LRRTM4: variants seen among roughly 807,000 people sequenced by gnomAD.
LRRTM4 encodes leucine-rich repeat transmembrane neuronal protein 4.
A neutral mutation model predicts 47.6 loss-of-function variants in LRRTM4; 25 were observed. That is an observed-to-expected ratio of 0.53 (90% confidence interval 0.38 to 0.73). LRRTM4 has a LOEUF of 0.73. Among genes scored for constraint, LRRTM4 ranks in the 30% least tolerant of loss-of-function variants. The pLI is 0.00. For synonymous variants in LRRTM4, 311 were observed against 269.5 expected, an observed-to-expected ratio of 1.15 and a Z score of -1.51; for missense variants, 638 against 713.4, an observed-to-expected ratio of 0.89 and a Z score of 1.20.
intron 3 of LRRTM4, among the ~76,000 whole-genome samples, chr2:77,122,395 G>T (rs1056142066): frequency 1.3e-5 from 2 of 150,804 alleles, no homozygotes; most frequent in African/African-American, 4.9e-5. Flanking sequence ...CCTACATGTT[G>T]CAGAATTCAC....
chr2:77,449,670 C>A (rs532519580), intron 3 of LRRTM4, among the ~76,000 whole-genome samples: 5 of 152,306 alleles, frequency 3.3e-5, no homozygotes, highest in African/African-American at 1.2e-4. Context: ...ACGGAATACA[C>A]TGCTGAAAAA....
Position 77,519,037 on chromosome 2 carries a change from T to TG in LRRTM4, c.831dup (p.Asn278GlnfsTer50). On this transcript the variant is annotated frameshift_variant, in exon 3 of 4. Transcript: ENST00000409884. LOFTEE classifies it high-confidence loss of function. The surrounding 1 kb of genome is among the most constrained non-coding windows in gnomAD (Gnocchi z 4.6). ...GAATCCAAATTCAATTTTTGTAAAT[T>TG]GGGGAGGCATTTAAATGTGCCCGGC... The TG allele has an allele frequency of 6.2e-7, 1 of 1,612,188 alleles. No individual in the cohort carries two copies. The highest frequency in any genetic ancestry group is 8.5e-7 in the Non-Finnish European group (1 of 1,179,046).
chr2:77,468,600 A>G (rs1677070532), intron 3 of LRRTM4, among the ~76,000 whole-genome samples: 1 of 152,202 alleles, frequency 6.6e-6, no homozygotes. Context: ...GTCCCCATGC[A>G]GCACGGTGAA....
At chr2:76,906,453 A>G (rs1317337458) in intron 3 of LRRTM4, among the ~76,000 whole-genome samples, 2 of 152,114 alleles carry the variant, frequency 1.3e-5, no homozygotes, top group Non-Finnish European at 2.9e-5. Context: ...GAGCAAAATA[A>G]CCAGCTAACA....
chr2:77,465,826 T>G (rs538260329), intron 3 of LRRTM4, among the ~76,000 whole-genome samples: 1 of 152,304 alleles, frequency 6.6e-6, no homozygotes, highest in African/African-American at 2.4e-5. Context: ...TGAGCAACAT[T>G]TATTTGGTTT....
intron 3 of LRRTM4, among the ~76,000 whole-genome samples, chr2:77,416,954 G>T (rs1401283116): frequency 6.6e-6 from 1 of 151,958 alleles, no homozygotes; most frequent in East Asian, 1.9e-4. Flanking sequence ...GAGAGAACAG[G>T]CAAGCTACAG....
intron 3 of LRRTM4, among the ~76,000 whole-genome samples, chr2:77,088,708 C>G (rs1471170854): frequency 6.6e-6 from 1 of 152,126 alleles, no homozygotes; most frequent in East Asian, 1.9e-4. Context: ...AGGGGACTTC[C>G]CCTAGGAGAT....
intron 3 of LRRTM4, among the ~76,000 whole-genome samples, chr2:76,795,788 CAGAAA>C (rs1184402494): frequency 6.6e-6 from 1 of 152,048 alleles, no homozygotes; most frequent in South Asian, 2.1e-4. Context: ...AGGGCACTAT[CAGAAA>C]AGAAAAGTGA....
At chr2:76,768,620 T>G (rs1407623757) in intron 3 of LRRTM4, among the ~76,000 whole-genome samples, 1 of 152,180 alleles carries the variant, frequency 6.6e-6, no homozygotes, top group Non-Finnish European at 1.5e-5. Context: ...GAGTTAGGAC[T>G]GGAAGTTTAT....
At chr2:77,466,473 A>G (rs1676986308) in intron 3 of LRRTM4, among the ~76,000 whole-genome samples, 1 of 152,182 alleles carries the variant, frequency 6.6e-6, no homozygotes, top group Non-Finnish European at 1.5e-5. Context: ...AGTTCACTAG[A>G]GTCACTTAAT....
chr2:77,364,792 A>G (rs2103754050), intron 3 of LRRTM4, among the ~76,000 whole-genome samples: 1 of 152,218 alleles, frequency 6.6e-6, no homozygotes, highest in South Asian at 2.1e-4. Context: ...TCATAAGCCG[A>G]ACCCTCTCTA....
intron 3 of LRRTM4, among the ~76,000 whole-genome samples, chr2:77,083,793 T>TG (rs1558569774): frequency 4.1e-4 from 27 of 66,450 alleles, no homozygotes; most frequent in African/African-American, 2.1e-3. Context: ...CTTTTTTTTT[T>TG]TTTTTTTTTT....
chr2:77,458,340 G>A (rs1228937675), intron 3 of LRRTM4, among the ~76,000 whole-genome samples: 1 of 152,116 alleles, frequency 6.6e-6, no homozygotes, highest in Non-Finnish European at 1.5e-5. Context: ...TTTCTGCCAA[G>A]TCGTTTCTTT....
rs758741157 is a variant in LRRTM4, at chr2:76,748,763, G to T, written c.1705C>A (p.His569Asn). 1.2e-6 allele frequency: 2 copies of T among 1,613,926 alleles called. No homozygotes were observed. Among genetic ancestry groups the T allele is most frequent in the Non-Finnish European group, 8.5e-7 (1 of 1,179,884 alleles). ...CTGGCGATGGTGGCGATGAAGCTGT[G>T]GTCTCGGCCCAGCTCCAGGCCGGGG... ...ESPGLELGRD[H>N]SFIATIARSA... is the part of the protein sequence containing the mutation. Residue 569 changes from histidine to asparagine, a missense_variant, in exon 4 of 4, where the codon CAC becomes AAC. By Grantham distance (68) the His-to-Asn change is moderately conservative. Coordinates refer to ENST00000409884, the MANE Select transcript of LRRTM4 (RefSeq NM_001134745.3).
intron 3 of LRRTM4, among the ~76,000 whole-genome samples, chr2:77,463,102 G>A (rs1010889644): frequency 8.6e-5 from 13 of 152,000 alleles, no homozygotes; most frequent in African/African-American, 3.1e-4. Flanking sequence ...ATCATAGAGT[G>A]ACTTACAAAA....
rs535940222 is a variant in LRRTM4, at chr2:77,307,045, G to C, written c.1551+211273C>G. Reference sequence around the variant, plus strand: ...CTCCCGCGTAGCTGGGACTACAGGCGCCCACCACCACGCCCGGCTAATTTT... The same window carrying C: ...CTCCCGCGTAGCTGGGACTACAGGCCCCCACCACCACGCCCGGCTAATTTT... On this transcript the variant is annotated intron_variant, in intron 3 of 3. Transcript: ENST00000409884. 5.5e-3 allele frequency among the ~76,000 whole-genome samples: 833 copies of C among 150,916 alleles called. 2 individuals are homozygous for C. The highest frequency in any genetic ancestry group is 0.02 in the African/African-American group (794 of 40,658).
At chr2:76,942,913 T>C (rs1675200735) in intron 3 of LRRTM4, among the ~76,000 whole-genome samples, 1 of 152,174 alleles carries the variant, frequency 6.6e-6, no homozygotes, top group African/African-American at 2.4e-5. Flanking sequence ...TAATTAAGGC[T>C]GGCATGTTGT....
At chr2:76,878,409 T>A (rs1448369427) in intron 3 of LRRTM4, among the ~76,000 whole-genome samples, 1 of 151,958 alleles carries the variant, frequency 6.6e-6, no homozygotes, top group Admixed American at 6.6e-5. Flanking sequence ...TATGTCTAAC[T>A]TTAAAACAAA....
At chr2:77,415,898 A>G (rs959223726) in intron 3 of LRRTM4, among the ~76,000 whole-genome samples, 1 of 152,150 alleles carries the variant, frequency 6.6e-6, no homozygotes, top group Non-Finnish European at 1.5e-5. Flanking sequence ...TAAAACACAA[A>G]TGATTGTCAT....
Sources: allele counts gnomAD v4.1 joint callset (sites outside exome capture counted in the v4.1 genomes callset), GRCh38; gene constraint gnomAD v4.1.1; non-coding constraint Gnocchi (gnomAD v3.1); transcripts MANE v1.5; gene names NCBI Gene and HGNC (gene_info 2026-07-23, HGNC 2026-07-21).